MRPL18: variants seen among roughly 807,000 people sequenced by gnomAD.
MRPL18 encodes mitochondrial ribosomal protein L18, also known as large ribosomal subunit protein uL18m.
MRPL18 carries 16 observed loss-of-function variants against 20.9 expected under a neutral mutation model. The ratio of observed to expected loss-of-function variants is 0.76; its 90% confidence interval spans 0.52 to 1.16. MRPL18 has a LOEUF of 1.16. Among genes scored for constraint, MRPL18 ranks in the 50% most tolerant of loss-of-function variants. The pLI, the probability that MRPL18 is intolerant of heterozygous loss-of-function variation, is 0.00. For synonymous variants in MRPL18, 91 were observed against 87.1 expected (o/e 1.04, Z -0.25); for missense variants, 233 against 230.6 (o/e 1.01, Z -0.07).
chr6:159,790,493 A>G lies in MRPL18; in HGVS notation c.-95A>G. ...AGAGTTTGGGGATCTACAGCAGCCA[A>G]AGGCTTGTCCCTGACTTTATATGGC... On this transcript the variant is annotated 5_prime_UTR_variant, in exon 1 of 4. Transcript: ENST00000367034. The G allele has an allele frequency of 3.8e-6, 6 of 1,562,310 alleles. No homozygotes were observed. Among genetic ancestry groups the G allele is most frequent in the Non-Finnish European group, 5.3e-6 (6 of 1,137,292 alleles).
chr6:159,797,071 A>G (rs1024731974), intron 2 of MRPL18, among the ~76,000 whole-genome samples: 11 of 152,230 alleles, frequency 7.2e-5, no homozygotes, highest in Admixed American at 2.6e-4. Context: ...AAATTTCTTC[A>G]TGATACTTGA....
chr6:159,795,506 A>G (rs1335897066), intron 2 of MRPL18, among the ~76,000 whole-genome samples: 3 of 152,160 alleles, frequency 2.0e-5, no homozygotes, highest in African/African-American at 2.4e-5. Flanking sequence ...ATCTTGCACA[A>G]CCCTTAATCC....
At position 159,791,165 on chromosome 6, in the gene MRPL18, C is replaced by T. The variant is rs752513534; in HGVS notation, c.239+39C>T. The T allele has an allele frequency of 3.1e-5, 50 of 1,604,684 alleles. No homozygotes were observed. The East Asian group carries it at 3.8e-4, about 12-fold the overall frequency. ...CTTGTGATTGACAAGGGCAGTGCAC[C>T]CTACAGACTATTTTCATTCATTCAA... On this transcript the variant is annotated intron_variant, in intron 2 of 3. Coordinates refer to ENST00000367034, the MANE Select transcript of MRPL18 (RefSeq NM_014161.5).
At chr6:159,791,591 G>A (rs1428539307) in intron 2 of MRPL18, among the ~76,000 whole-genome samples, 1 of 152,162 alleles carries the variant, frequency 6.6e-6, no homozygotes, top group African/African-American at 2.4e-5. Context: ...TAAAGCTTGA[G>A]CCCGAATTGG....
At chr6:159,796,435 G>A (rs1304984419) in intron 2 of MRPL18, among the ~76,000 whole-genome samples, 7 of 150,730 alleles carry the variant, frequency 4.6e-5, no homozygotes, top group African/African-American at 1.5e-4. Flanking sequence ...AGCCAAGTTC[G>A]TGCCTCTGTA....
chr6:159,796,374 G>A (rs1336105530), intron 2 of MRPL18, among the ~76,000 whole-genome samples: 1 of 151,686 alleles, frequency 6.6e-6, no homozygotes, highest in East Asian at 1.9e-4. Flanking sequence ...CAGCCACTTG[G>A]GAGGTTGAGG....
At chr6:159,796,921 T>A (rs1390885291) in intron 2 of MRPL18, among the ~76,000 whole-genome samples, 1 of 152,242 alleles carries the variant, frequency 6.6e-6, no homozygotes, top group African/African-American at 2.4e-5. Flanking sequence ...TGTTCCGTCT[T>A]ATATTTATTT....
intron 2 of MRPL18, among the ~76,000 whole-genome samples, chr6:159,795,066 C>T (rs1370604732): frequency 6.6e-6 from 1 of 152,254 alleles, no homozygotes; most frequent in Non-Finnish European, 1.5e-5. Context: ...ACATAAACAT[C>T]TCAATGCTTT....
intron 2 of MRPL18, among the ~76,000 whole-genome samples, chr6:159,796,001 T>A (rs1183215228): frequency 1.3e-5 from 2 of 152,098 alleles, no homozygotes; most frequent in Non-Finnish European, 2.9e-5. Context: ...CCTGGGCTGG[T>A]CTTGAACTCC....
intron 1 of MRPL18, 102 bp from the exon 2 acceptor site, chr6:159,790,838 C>G: frequency 6.8e-7 from 1 of 1,471,434 alleles, no homozygotes; most frequent in Non-Finnish European, 9.2e-7. Context: ...TCCCCTCGGG[C>G]CTAAAGATTG....
intron 3 of MRPL18, 152 bp downstream of exon 3, chr6:159,797,670 T>C: frequency 1.4e-6 from 1 of 700,480 alleles, no homozygotes; most frequent in East Asian, 2.7e-5. Flanking sequence ...CATTTAATCC[T>C]CACATCAGTC....
chr6:159,790,322 G>C, upstream of MRPL18: 1 of 595,372 alleles, frequency 1.7e-6, no homozygotes, highest in Non-Finnish European at 3.0e-6. Context: ...GTGGTCTTGG[G>C]CGTAGCTACG....
chr6:159,795,794 T>TAA (rs1267902840), intron 2 of MRPL18, among the ~76,000 whole-genome samples: 1 of 152,212 alleles, frequency 6.6e-6, no homozygotes, highest in Non-Finnish European at 1.5e-5. Flanking sequence ...TTTTTCTTTT[T>TAA]ATATTTTTGT....
rs1780843499 is a variant in MRPL18 at position 159,790,511 on chromosome 6, T to C, written c.-77T>C. The C allele has an allele frequency of 1.2e-6, 2 of 1,601,732 alleles. No homozygotes were observed. The highest frequency in any genetic ancestry group is 8.5e-7 in the Non-Finnish European group (1 of 1,169,670). On this transcript the variant is annotated 5_prime_UTR_variant, in exon 1 of 4. Coordinates refer to ENST00000367034, the MANE Select transcript of MRPL18 (RefSeq NM_014161.5). ...GCAGCCAAAGGCTTGTCCCTGACTT[T>C]ATATGGCTGCTCCTGGCGAGCGACT...
At position 159,791,052 on chromosome 6, in the gene MRPL18, C is replaced by A. The variant is rs1367156489; in HGVS notation, c.165C>A (p.Asn55Lys). 6.2e-7 allele frequency: 1 copy of A among 1,614,066 alleles called. No individual in the cohort carries two copies. The highest frequency in any genetic ancestry group is 8.5e-7 in the Non-Finnish European group (1 of 1,180,046). ...AATTCACCAACCGGAACCCCCGGAA[C>A]CTGGAGCTTTTATCTGTAGCCAGGA... Reference protein sequence around the residue: ...APEFTNRNPRNLELLSVARKE... With the variant: ...APEFTNRNPRKLELLSVARKE... Residue 55 changes from asparagine (N) to lysine (K), a missense_variant, in exon 2 of 4, where the codon AAC becomes AAA. Asn to Lys is a moderately conservative substitution (Grantham distance 94). Coordinates refer to ENST00000367034, the MANE Select transcript of MRPL18 (RefSeq NM_014161.5).
At chr6:159,792,292 A>C (rs1239135972) in intron 2 of MRPL18, among the ~76,000 whole-genome samples, 1 of 152,088 alleles carries the variant, frequency 6.6e-6, no homozygotes, top group African/African-American at 2.4e-5. Flanking sequence ...GATTTTTTAG[A>C]ATTTCTTAAG....
At position 159,797,453 on chromosome 6, in the gene MRPL18, T is replaced by A; in HGVS notation, c.406T>A (p.Cys136Ser). Residue 136 changes from cysteine to serine, a missense_variant, in exon 3 of 4, where the codon TGC (cysteine) becomes AGC (serine). By Grantham distance (112) the Cys-to-Ser change is moderately radical. Coordinates refer to ENST00000367034, the MANE Select transcript of MRPL18 (RefSeq NM_014161.5). ...ESIGRVLAQR[C>S]LEAGINFMVY... is the part of the protein sequence containing the mutation. ...TATAGGACGAGTGCTGGCACAGAGA[T>A]GCTTAGAGGCGGGAATCAACTTCAT... 6.2e-7 allele frequency: 1 copy of A among 1,614,212 alleles called. No homozygotes were observed. Among genetic ancestry groups the A allele is most frequent in the Non-Finnish European group, 8.5e-7 (1 of 1,180,028 alleles).
At chr6:159,790,785 G>C in intron 1 of MRPL18, 146 bp downstream of exon 1, 1 of 1,377,688 alleles carries the variant, frequency 7.3e-7, no homozygotes, top group Non-Finnish European at 9.9e-7. Flanking sequence ...AGTTAAGGAC[G>C]GGGTCAGTGC....
chr6:159,791,941 C>G (rs1562488706), intron 2 of MRPL18, among the ~76,000 whole-genome samples: 1 of 151,990 alleles, frequency 6.6e-6, no homozygotes, highest in African/African-American at 2.4e-5. Context: ...TTTGAGGGAG[C>G]AGGACTTGAA....
Sources: allele counts gnomAD v4.1 joint callset (sites outside exome capture counted in the v4.1 genomes callset), GRCh38; gene constraint gnomAD v4.1.1; transcripts MANE v1.5; gene names NCBI Gene and HGNC (gene_info 2026-07-23, HGNC 2026-07-21).